The following FBXL7 variants were observed in gnomAD, a reference collection of about 807,000 sequenced individuals.
FBXL7 encodes F-box/LRR-repeat protein 7.
FBXL7 carries 12 observed loss-of-function variants against 38.3 expected under a neutral mutation model. That is an observed-to-expected ratio of 0.31 (90% confidence interval 0.20 to 0.51). The LOEUF is 0.51. Ranked by LOEUF, FBXL7 falls within the 20% of genes least tolerant of loss-of-function variation. The probability of loss-of-function intolerance (pLI) is 0.98; values close to 1 mark genes in which losing one functional copy is unlikely to be tolerated. For missense variants in FBXL7, 567 were observed against 676.4 expected (o/e 0.84, Z 1.79); for synonymous variants, 297 against 300.9 (o/e 0.99, Z 0.13).
chr5:15,793,120 T>A (rs1164737006), intron 2 of FBXL7, among the ~76,000 whole-genome samples: 1 of 152,154 alleles, frequency 6.6e-6, no homozygotes, highest in Admixed American at 6.5e-5. Context: ...AGCCTTCCCC[T>A]GGTGCAGTGC....
intron 2 of FBXL7, among the ~76,000 whole-genome samples, chr5:15,621,820 T>C (rs1266284174): frequency 1.3e-5 from 2 of 152,244 alleles, no homozygotes; most frequent in South Asian, 2.1e-4. Context: ...GTTCTACACA[T>C]TGGTTATCAA....
At chr5:15,706,923 G>A (rs1261597250) in intron 2 of FBXL7, among the ~76,000 whole-genome samples, 1 of 151,978 alleles carries the variant, frequency 6.6e-6, no homozygotes, top group Non-Finnish European at 1.5e-5. Flanking sequence ...GGAACTGAAT[G>A]TGTAAAAGTA....
intron 2 of FBXL7, among the ~76,000 whole-genome samples, chr5:15,858,953 GT>G (rs1739356539): frequency 1.3e-5 from 2 of 152,102 alleles, no homozygotes; most frequent in African/African-American, 4.8e-5. Flanking sequence ...AACTTAACCA[GT>G]ATTTTTATAT....
At chr5:15,580,822 G>A in intron 1 of FBXL7, 6 of 985,288 alleles carry the variant, frequency 6.1e-6, no homozygotes, top group Non-Finnish European at 7.2e-6. Context: ...GGTGAGCAGA[G>A]TCATGGGCCT....
At chr5:15,532,939 C>T (rs545168269) in intron 1 of FBXL7, among the ~76,000 whole-genome samples, 1 of 152,310 alleles carries the variant, frequency 6.6e-6, no homozygotes, top group African/African-American at 2.4e-5. Flanking sequence ...AGATGCCTCC[C>T]ACTTATTTGA....
chr5:15,747,985 C>T (rs1736057962), intron 2 of FBXL7, among the ~76,000 whole-genome samples: 1 of 152,182 alleles, frequency 6.6e-6, no homozygotes, highest in Non-Finnish European at 1.5e-5. Flanking sequence ...TACCCAGTCC[C>T]AATCTGGCAG....
intron 2 of FBXL7, among the ~76,000 whole-genome samples, chr5:15,874,151 A>C (rs749760153): frequency 2.6e-5 from 4 of 152,242 alleles, no homozygotes; most frequent in Admixed American, 6.5e-5. Context: ...TCACATAAAC[A>C]GAACCAACGA....
intron 2 of FBXL7, among the ~76,000 whole-genome samples, chr5:15,751,499 A>G (rs1322309326): frequency 6.6e-6 from 1 of 152,170 alleles, no homozygotes; most frequent in Non-Finnish European, 1.5e-5. Flanking sequence ...ACCCTTGGCT[A>G]TGTTTGTTTG....
intron 2 of FBXL7, among the ~76,000 whole-genome samples, chr5:15,651,165 C>T (rs1315556212): frequency 6.1e-5 from 9 of 147,870 alleles, no homozygotes; most frequent in African/African-American, 2.0e-4. Flanking sequence ...GGTGCAATCT[C>T]GGCTCACTGC....
intron 2 of FBXL7, among the ~76,000 whole-genome samples, chr5:15,750,867 G>A (rs974547576): frequency 6.6e-6 from 1 of 152,170 alleles, no homozygotes; most frequent in Non-Finnish European, 1.5e-5. Flanking sequence ...GCTCATGTAG[G>A]TGGACTGCAG....
chr5:15,537,340 T>G (rs2126401728), intron 1 of FBXL7, among the ~76,000 whole-genome samples: 1 of 152,324 alleles, frequency 6.6e-6, no homozygotes, highest in East Asian at 1.9e-4. Flanking sequence ...AAGAAGTTTT[T>G]GAGGCATGAA....
At chr5:15,515,069 A>C (rs771504277) in intron 1 of FBXL7, among the ~76,000 whole-genome samples, 1 of 152,180 alleles carries the variant, frequency 6.6e-6, no homozygotes, top group Non-Finnish European at 1.5e-5. Flanking sequence ...GCTGTTTACC[A>C]AGGAACCCAA....
intron 2 of FBXL7, among the ~76,000 whole-genome samples, chr5:15,737,284 C>G (rs1325890008): frequency 2.6e-5 from 4 of 152,144 alleles, no homozygotes; most frequent in Non-Finnish European, 5.9e-5. Context: ...CTAAGTGGTC[C>G]TTGAAAGCGT....
intron 2 of FBXL7, among the ~76,000 whole-genome samples, chr5:15,657,786 C>T (rs1225812361): frequency 2.0e-5 from 3 of 151,446 alleles, no homozygotes; most frequent in Non-Finnish European, 4.4e-5. Context: ...TGTAGTGAGC[C>T]GAGATCACGG....
chr5:15,890,373 C>T (rs976502414), intron 2 of FBXL7, among the ~76,000 whole-genome samples: 2 of 152,104 alleles, frequency 1.3e-5, no homozygotes, highest in Non-Finnish European at 2.9e-5. Flanking sequence ...CTCAGCATCC[C>T]AAGTAGCTGG....
rs1446193757 is a variant in FBXL7, at chr5:15,915,202, G to C, written c.128-12688G>C. 2.0e-5 allele frequency among the ~76,000 whole-genome samples: 3 copies of C among 152,202 alleles called. No individual in the cohort carries two copies. In the East Asian group the frequency reaches 5.8e-4, roughly 29 times the overall value. ...CCGTACAATGCCTGGCATATAGTAA[G>C]CATTCAATATAAAAGTGTGGAAAGA... On this transcript the variant is annotated intron_variant, in intron 2 of 3. Coordinates refer to ENST00000504595, the MANE Select transcript of FBXL7 (RefSeq NM_012304.5).
chr5:15,888,750 A>C (rs907401197), intron 2 of FBXL7, among the ~76,000 whole-genome samples: 1 of 152,198 alleles, frequency 6.6e-6, no homozygotes, highest in Non-Finnish European at 1.5e-5. Context: ...TACTTTACAA[A>C]AAAATGGCAA....
At chr5:15,616,299 G>A (rs1740451047) in intron 2 of FBXL7, among the ~76,000 whole-genome samples, 1 of 152,112 alleles carries the variant, frequency 6.6e-6, no homozygotes, top group Admixed American at 6.6e-5. Flanking sequence ...CAATTATAAG[G>A]CAAATGTTGT....
At chr5:15,846,114 A>G (rs1228523013) in intron 2 of FBXL7, among the ~76,000 whole-genome samples, 1 of 152,268 alleles carries the variant, frequency 6.6e-6, no homozygotes, top group Non-Finnish European at 1.5e-5. Context: ...TGAATACACA[A>G]TTATTCAAAT....
Sources: allele counts gnomAD v4.1 joint callset (sites outside exome capture counted in the v4.1 genomes callset), GRCh38; gene constraint gnomAD v4.1.1; transcripts MANE v1.5; gene names NCBI Gene and HGNC (gene_info 2026-07-23, HGNC 2026-07-21).